Variants in ZFHX3 observed in about 807,000 individuals in gnomAD.
ZFHX3 encodes the protein zinc finger homeobox protein 3.
A neutral mutation model predicts 279.1 loss-of-function variants in ZFHX3; 42 were observed. That is an observed-to-expected ratio of 0.15 (90% confidence interval 0.12 to 0.19). ZFHX3 has a LOEUF of 0.19. Ranked by LOEUF, ZFHX3 falls within the 10% of genes least tolerant of loss-of-function variation. The pLI is 1.00. For missense variants in ZFHX3, 4,981 were observed against 4,754.0 expected, an observed-to-expected ratio of 1.05 and a Z score of -1.40; for synonymous variants, 2,293 against 1,957.8, an observed-to-expected ratio of 1.17 and a Z score of -4.52.
intron 3 of ZFHX3, among the ~76,000 whole-genome samples, chr16:73,405,432 G>T (rs1454962130): frequency 6.6e-6 from 1 of 152,128 alleles, no homozygotes; most frequent in African/African-American, 2.4e-5. Flanking sequence ...AGGGGATTTT[G>T]GAGTTGTTTA....
intron 1 of ZFHX3, among the ~76,000 whole-genome samples, chr16:72,999,917 G>C (rs1963432998): frequency 6.6e-6 from 1 of 152,220 alleles, no homozygotes; most frequent in Non-Finnish European, 1.5e-5. Flanking sequence ...TCTAAGAGCA[G>C]GGCAACCCGG....
chr16:73,420,902 T>G (rs2017705608), intron 3 of ZFHX3: 1 of 152,258 alleles, frequency 6.6e-6, no homozygotes, highest in Non-Finnish European at 1.5e-5. Context: ...CTGTTATCTT[T>G]GTATTTTTTT....
chr16:72,787,990 C>A lies in ZFHX3; in HGVS notation c.10286G>T (p.Arg3429Leu), dbSNP rs776558848. The A allele has an allele frequency of 1.2e-6, 2 of 1,611,492 alleles. No homozygotes were observed. Among genetic ancestry groups the A allele is most frequent in the Non-Finnish European group, 1.7e-6 (2 of 1,179,512 alleles). Residue 3429 changes from arginine (R) to leucine (L), a missense_variant, in exon 10 of 10, where the codon CGT becomes CTT. Around this residue, in one of 7 missense-constraint regions of ZFHX3, gnomAD observed 1,034 missense variants for 786.0 expected, o/e 1.32. Transcript: ENST00000268489. ...TTTCGGCAGGAGGGGGGACACCTCA[C>A]GGGGGGTGTTTTTCTGTTCTTCTGG... ...PKPEEQKNTP[R>L]EVSPLLPKLP... is the part of the protein sequence containing the mutation.
At chr16:73,262,879 A>C (rs1261583286) in intron 4 of ZFHX3, among the ~76,000 whole-genome samples, 1 of 152,142 alleles carries the variant, frequency 6.6e-6, no homozygotes, top group Non-Finnish European at 1.5e-5. Flanking sequence ...GAGCAGAGAC[A>C]AGAATCCCCG....
chr16:73,629,047 C>A (rs1343971529), intron 2 of ZFHX3, among the ~76,000 whole-genome samples: 1 of 152,190 alleles, frequency 6.6e-6, no homozygotes, highest in Admixed American at 6.5e-5. Flanking sequence ...CTGTAATAAA[C>A]CCCCGCCGGT....
intron 3 of ZFHX3, among the ~76,000 whole-genome samples, chr16:73,371,094 G>A (rs1421722747): frequency 1.3e-5 from 2 of 151,964 alleles, no homozygotes; most frequent in Non-Finnish European, 2.9e-5. Flanking sequence ...GGCCAAGGTG[G>A]GTGGATCACC....
At chr16:73,287,081 GGTGTGTGGGTAA>G (rs1567440424) in intron 4 of ZFHX3, among the ~76,000 whole-genome samples, 2 of 149,776 alleles carry the variant, frequency 1.3e-5, no homozygotes, top group African/African-American at 2.5e-5. Flanking sequence ...TGGCTGTGTG[GGTGTGTGGGTAA>G]GTGTGTGGCT....
chr16:73,291,253 A>G (rs1354146528), intron 4 of ZFHX3, among the ~76,000 whole-genome samples: 1 of 152,076 alleles, frequency 6.6e-6, no homozygotes, highest in African/African-American at 2.4e-5. Context: ...GGCCTTCCCC[A>G]TCTTCATCCC....
intron 5 of ZFHX3, among the ~76,000 whole-genome samples, chr16:73,223,125 C>T (rs1285058899): frequency 6.6e-6 from 1 of 151,962 alleles, no homozygotes; most frequent in Non-Finnish European, 1.5e-5. Context: ...TCCTAGATAA[C>T]AACATAGGAG....
chr16:72,830,815 TA>T (rs1389746492), intron 4 of ZFHX3, among the ~76,000 whole-genome samples: 9 of 152,298 alleles, frequency 5.9e-5, no homozygotes, highest in South Asian at 2.1e-4. Context: ...AGGGAATGAA[TA>T]AAGTGGACAA....
chr16:73,277,591 C>T (rs1479800457), intron 4 of ZFHX3, among the ~76,000 whole-genome samples: 1 of 152,212 alleles, frequency 6.6e-6, no homozygotes, highest in African/African-American at 2.4e-5. Context: ...GCAAGCATTT[C>T]TGTCTGTAGG....
At chr16:73,286,684 G>T (rs1453119418) in intron 4 of ZFHX3, among the ~76,000 whole-genome samples, 1 of 150,200 alleles carries the variant, frequency 6.7e-6, no homozygotes, top group East Asian at 2.0e-4. Flanking sequence ...TGTGTGGGTT[G>T]GTGTGTGAGT....
intron 2 of ZFHX3, among the ~76,000 whole-genome samples, chr16:73,598,220 A>G (rs1324117745): frequency 6.6e-6 from 1 of 152,098 alleles, no homozygotes; most frequent in Non-Finnish European, 1.5e-5. Context: ...CATTTCAGAG[A>G]GCTTACCAGC....
chr16:73,234,826 C>T (rs900257719), intron 5 of ZFHX3, among the ~76,000 whole-genome samples: 8 of 152,116 alleles, frequency 5.3e-5, no homozygotes, highest in Non-Finnish European at 8.8e-5. Context: ...CTTTTTTGGC[C>T]AATTGCCTCA....
intron 8 of ZFHX3, among the ~76,000 whole-genome samples, chr16:73,090,100 C>T (rs1352488107): frequency 1.3e-5 from 2 of 152,138 alleles, no homozygotes; most frequent in African/African-American, 4.8e-5. Context: ...TGTATTTAAA[C>T]TATATCTGTG....
Position 73,647,042 on chromosome 16 carries a change from C to T in ZFHX3, c.-1547+33138G>A, listed in dbSNP as rs1416910176. ...TTTTTTTCTTTTTTTTTTTTTGAGA[C>T]GGAACTCTGTTGCCAGGTTGGAGTG... On this transcript the variant is annotated intron_variant, in intron 2 of 17. Coordinates refer to the ZFHX3 transcript ENST00000641206. Among the ~76,000 whole-genome samples the T allele has an allele frequency of 6.0e-5, 8 of 133,758 alleles. No homozygotes were observed. In the South Asian group the frequency reaches 7.1e-4, roughly 12 times the overall value. 87.8% of individuals were successfully genotyped at this position (133,758 alleles called of 152,430 possible).
At chr16:73,628,153 T>G (rs1376558011) in intron 2 of ZFHX3, among the ~76,000 whole-genome samples, 2 of 152,190 alleles carry the variant, frequency 1.3e-5, no homozygotes, top group African/African-American at 4.8e-5. Flanking sequence ...ACTCCTTCTA[T>G]CACATACCTG....
At chr16:73,673,745 G>C (rs2052926497) in intron 2 of ZFHX3, among the ~76,000 whole-genome samples, 1 of 152,206 alleles carries the variant, frequency 6.6e-6, no homozygotes, top group Non-Finnish European at 1.5e-5. Flanking sequence ...GGGCAGAACA[G>C]GGATAACAGC....
At position 73,627,228 on chromosome 16, in the gene ZFHX3, A is replaced by G. The variant is rs78246850; in HGVS notation, c.-1547+52952T>C. Among the ~76,000 whole-genome samples the G allele has an allele frequency of 3.9e-3, 592 of 152,272 alleles. 5 individuals are homozygous for G. Among genetic ancestry groups the G allele is most frequent in the African/African-American group, 0.014 (575 of 41,560 alleles). On this transcript the variant is annotated intron_variant, in intron 2 of 17. Transcript: ENST00000641206. ...AGCAAACTGACTCCACGTGCTCCAA[A>G]CTGTCTGTGATTGTTAGAACTTGGG...
Sources: allele counts gnomAD v4.1 joint callset (sites outside exome capture counted in the v4.1 genomes callset), GRCh38; gene constraint gnomAD v4.1.1; regional missense constraint gnomAD v4.1.1; transcripts MANE v1.5; gene names NCBI Gene and HGNC (gene_info 2026-07-23, HGNC 2026-07-21).